Variants in ASTN2 observed in about 807,000 individuals in gnomAD.
The protein encoded by ASTN2 is astrotactin 2, also known as astrotactin-2.
Under a neutral mutation model 139.8 loss-of-function variants are expected in ASTN2, and 54 were observed. The observed-to-expected ratio is 0.39, with a 90% CI of 0.31 to 0.48. The LOEUF is 0.48. Among genes scored for constraint, ASTN2 ranks in the 20% least tolerant of loss-of-function variants. The pLI is 0.95. For synonymous variants in ASTN2, 756 were observed against 719.5 expected (o/e 1.05, Z -0.81); for missense variants, 1,565 against 1,725.1 (o/e 0.91, Z 1.64).
At position 116,736,184 on chromosome 9, in the gene ASTN2, CT is replaced by C. The variant is rs529101703; in HGVS notation, c.2397-2662del. ...AGTTAAGTTTTAAAGTTGATTCAAT[CT>C]GATATTTAAATTTTCCAGAATTCTA... On this transcript the variant is annotated intron_variant, in intron 13 of 22. Transcript: ENST00000313400. Among the ~76,000 whole-genome samples the C allele has an allele frequency of 3.2e-4, 48 of 152,258 alleles. No homozygotes were observed. The South Asian group carries it at 1.0e-2, about 32-fold the overall frequency.
chr9:116,553,266 T>G (rs922530180), intron 19 of ASTN2, among the ~76,000 whole-genome samples: 8 of 152,148 alleles, frequency 5.3e-5, no homozygotes, highest in African/African-American at 1.9e-4. Flanking sequence ...GGACCTCACT[T>G]CATTTTAGTT....
chr9:116,706,676 C>A (rs1182416477), intron 16 of ASTN2, among the ~76,000 whole-genome samples: 1 of 151,666 alleles, frequency 6.6e-6, no homozygotes, highest in African/African-American at 2.4e-5. Flanking sequence ...CTTTATGCAA[C>A]AAGCAGAGGG....
chr9:116,743,666 GAGC>G (rs1829156243), intron 13 of ASTN2, among the ~76,000 whole-genome samples: 2 of 152,048 alleles, frequency 1.3e-5, no homozygotes, highest in Non-Finnish European at 2.9e-5. Flanking sequence ...CCACCCCACC[GAGC>G]TAATTGTATT....
At chr9:117,171,330 T>C (rs1393962032) in intron 3 of ASTN2, among the ~76,000 whole-genome samples, 1 of 152,146 alleles carries the variant, frequency 6.6e-6, no homozygotes, top group Non-Finnish European at 1.5e-5. Context: ...CCTGCCTGCA[T>C]GGGTTCCTGG....
intron 19 of ASTN2, among the ~76,000 whole-genome samples, chr9:116,488,878 T>C (rs1849421467): frequency 6.6e-6 from 1 of 152,182 alleles, no homozygotes. Flanking sequence ...TCAATAAAAA[T>C]TACTTAAAAA....
chr9:116,932,773 C>T (rs566046919), intron 10 of ASTN2, among the ~76,000 whole-genome samples: 24 of 152,016 alleles, frequency 1.6e-4, no homozygotes, highest in African/African-American at 5.8e-4. Context: ...TGAGAGGCCA[C>T]GGCGGGTGGA....
intron 11 of ASTN2, among the ~76,000 whole-genome samples, chr9:116,828,737 A>T (rs977726839): frequency 1.3e-5 from 2 of 152,204 alleles, no homozygotes; most frequent in Non-Finnish European, 2.9e-5. Flanking sequence ...ATTAAAAGTT[A>T]TCCAAGCTGG....
In ASTN2 at chr9:116,618,360, T is replaced by C. The variant is rs1564158290; in HGVS notation, c.3319A>G (p.Lys1107Glu). 3 of 1,614,190 alleles carry C rather than the reference T, an allele frequency of 1.9e-6. No individual in the cohort carries two copies. The highest frequency in any genetic ancestry group is 2.5e-6 in the Non-Finnish European group (3 of 1,180,000). The change falls in exon 19 of 23, where the codon AAA becomes GAA. Residue 1107 changes from lysine (K) to glutamate (E), a missense_variant. This residue lies in a region of ASTN2 where 418 missense variants were observed against 465.8 expected (regional missense o/e 0.90). Coordinates refer to ENST00000313400, the MANE Select transcript of ASTN2 (RefSeq NM_001365068.1). ...KVSDYILQHK[K>E]VDEYTDTDLY... ...TCAGTGTCTGTGTATTCATCCACTT[T>C]CTTATGCTGCAGAATATAGTCGGAG...
chr9:116,518,122 G>C (rs1238516402), intron 19 of ASTN2, among the ~76,000 whole-genome samples: 4 of 152,148 alleles, frequency 2.6e-5, no homozygotes, highest in Non-Finnish European at 4.4e-5. Context: ...AGCCTTGCTA[G>C]AGGTCTACAC....
intron 10 of ASTN2, among the ~76,000 whole-genome samples, chr9:116,927,383 G>A (rs1481743100): frequency 1.3e-5 from 2 of 152,146 alleles, no homozygotes; most frequent in African/African-American, 2.4e-5. Context: ...TTATAATCAC[G>A]GGGTGTCTTG....
At chr9:116,825,246 G>C (rs909921763) in intron 11 of ASTN2, among the ~76,000 whole-genome samples, 7 of 152,200 alleles carry the variant, frequency 4.6e-5, no homozygotes, top group Non-Finnish European at 8.8e-5. Context: ...TCACCTCAGA[G>C]ACAGCCTCAG....
At chr9:117,266,490 T>C (rs1252052319) in intron 2 of ASTN2, among the ~76,000 whole-genome samples, 2 of 152,134 alleles carry the variant, frequency 1.3e-5, no homozygotes, top group Non-Finnish European at 2.9e-5. Context: ...CCATCAACAT[T>C]AGAATGCGAA....
At chr9:116,842,979 G>T (rs556975188) in intron 11 of ASTN2, among the ~76,000 whole-genome samples, 1 of 152,252 alleles carries the variant, frequency 6.6e-6, no homozygotes, top group South Asian at 2.1e-4. Context: ...CCTGTTCTCT[G>T]CAGGGTCCAA....
intron 7 of ASTN2, among the ~76,000 whole-genome samples, chr9:116,999,436 A>G (rs10983453): frequency 0.23 from 34,349 of 151,336 alleles, 4,280 homozygotes; most frequent in African/African-American, 0.33. Flanking sequence ...AGTTCACGGT[A>G]TGTAACATAC....
chr9:116,746,543 A>G (rs914268134), intron 13 of ASTN2, among the ~76,000 whole-genome samples: 3 of 151,988 alleles, frequency 2.0e-5, no homozygotes, highest in Non-Finnish European at 4.4e-5. Context: ...TTCCACCTGC[A>G]CTCTGAATGT....
At chr9:116,642,435 G>T (rs1234574297) in intron 17 of ASTN2, among the ~76,000 whole-genome samples, 3 of 151,986 alleles carry the variant, frequency 2.0e-5, no homozygotes, top group African/African-American at 4.8e-5. Flanking sequence ...GCTCCTCAGG[G>T]TATCCCAAGT....
intron 16 of ASTN2, among the ~76,000 whole-genome samples, chr9:116,710,845 A>C (rs1828136462): frequency 6.6e-6 from 1 of 152,206 alleles, no homozygotes; most frequent in African/African-American, 2.4e-5. Context: ...TTAATATTTA[A>C]ACTTAAAACT....
chr9:116,528,141 A>C (rs945899633), intron 19 of ASTN2, among the ~76,000 whole-genome samples: 1 of 152,202 alleles, frequency 6.6e-6, no homozygotes, highest in Non-Finnish European at 1.5e-5. Context: ...GAATTGGAAA[A>C]GTTTGGAACT....
chr9:116,680,554 G>A (rs531474699), intron 16 of ASTN2, among the ~76,000 whole-genome samples: 9 of 151,998 alleles, frequency 5.9e-5, no homozygotes, highest in Admixed American at 2.6e-4. Flanking sequence ...TACCAAAGCC[G>A]GGCAGAGACA....
Sources: allele counts gnomAD v4.1 joint callset (sites outside exome capture counted in the v4.1 genomes callset), GRCh38; gene constraint gnomAD v4.1.1; regional missense constraint gnomAD v4.1.1; transcripts MANE v1.5; gene names NCBI Gene and HGNC (gene_info 2026-07-23, HGNC 2026-07-21).